Variants in ZFHX3 observed in about 807,000 individuals in gnomAD.
ZFHX3 encodes the protein zinc finger homeobox protein 3.
In ZFHX3, 42 loss-of-function variants were observed where a neutral mutation model predicts 279.1. The observed-to-expected ratio is 0.15, with a 90% CI of 0.12 to 0.19. ZFHX3 has a LOEUF of 0.19. ZFHX3 is among the 10% of genes least tolerant of loss of function. The pLI is 1.00. For missense variants in ZFHX3, 4,981 were observed against 4,754.0 expected (o/e 1.05, Z -1.40); for synonymous variants, 2,293 against 1,957.8 (o/e 1.17, Z -4.52).
At chr16:73,776,427 T>C (rs1193631131) in intron 1 of ZFHX3, among the ~76,000 whole-genome samples, 1 of 152,184 alleles carries the variant, frequency 6.6e-6, no homozygotes, top group Non-Finnish European at 1.5e-5. Context: ...TGCTTTAAGG[T>C]TTCCTCTTTC....
chr16:73,189,456 T>G (rs1377533925), intron 5 of ZFHX3, among the ~76,000 whole-genome samples: 1 of 152,248 alleles, frequency 6.6e-6, no homozygotes, highest in Non-Finnish European at 1.5e-5. Context: ...GAGCCGGCAC[T>G]GGACCCTAGG....
intron 5 of ZFHX3, among the ~76,000 whole-genome samples, chr16:73,241,748 C>T (rs1176491280): frequency 7.2e-6 from 1 of 138,174 alleles, no homozygotes; most frequent in African/African-American, 2.8e-5. Flanking sequence ...CAAGATCGTG[C>T]CATTGCACTC....
intron 2 of ZFHX3, among the ~76,000 whole-genome samples, chr16:73,567,004 T>A (rs146850110): frequency 2.0e-3 from 308 of 152,234 alleles, no homozygotes; most frequent in African/African-American, 7.1e-3. Context: ...CAGCCAACAC[T>A]GAGCTAACTT....
intron 4 of ZFHX3, among the ~76,000 whole-genome samples, chr16:73,286,849 T>C (rs1182313476): frequency 1.9e-5 from 2 of 106,848 alleles, no homozygotes; most frequent in African/African-American, 7.5e-5. Flanking sequence ...TGAGTCGGTG[T>C]GTGGGTGTGT....
chr16:73,816,083 C>T (rs1338745009), intron 1 of ZFHX3: 1 of 152,130 alleles, frequency 6.6e-6, no homozygotes, highest in African/African-American at 2.4e-5. Context: ...GAATATGGAT[C>T]TAAGTAACCA....
At chr16:73,141,807 C>T (rs1047543235) in intron 6 of ZFHX3, among the ~76,000 whole-genome samples, 1 of 152,178 alleles carries the variant, frequency 6.6e-6, no homozygotes, top group African/African-American at 2.4e-5. Flanking sequence ...GTAGTCTGCC[C>T]ATGCAGAGAA....
chr16:73,770,227 G>A (rs2054002505), intron 1 of ZFHX3, among the ~76,000 whole-genome samples: 1 of 152,208 alleles, frequency 6.6e-6, no homozygotes, highest in African/African-American at 2.4e-5. Flanking sequence ...GAGTCAGAGT[G>A]ATGTAATGTT....
intron 5 of ZFHX3, among the ~76,000 whole-genome samples, chr16:73,162,878 G>C (rs1967271284): frequency 6.6e-6 from 1 of 152,184 alleles, no homozygotes; most frequent in East Asian, 1.9e-4. Context: ...TCTAAAGAAT[G>C]GTGGTCATCT....
intron 7 of ZFHX3, chr16:73,093,615 C>T (rs766010729): frequency 3.2e-5 from 16 of 505,554 alleles, no homozygotes; most frequent in East Asian, 2.2e-4. Context: ...ACAGACAGCA[C>T]GGAGAAGGAT....
chr16:72,988,719 A>G (rs530669625), intron 1 of ZFHX3, among the ~76,000 whole-genome samples: 54 of 152,374 alleles, frequency 3.5e-4, no homozygotes, highest in South Asian at 1.2e-3. Context: ...ATGTGTCAAC[A>G]CAATAAATAA....
At chr16:73,751,754 C>T (rs976501143) in intron 1 of ZFHX3, among the ~76,000 whole-genome samples, 1 of 152,122 alleles carries the variant, frequency 6.6e-6, no homozygotes, top group African/African-American at 2.4e-5. Context: ...TTCCTGCTTC[C>T]ACAACCTCAA....
At chr16:72,940,104 G>C (rs969539712) in intron 3 of ZFHX3, among the ~76,000 whole-genome samples, 3 of 151,842 alleles carry the variant, frequency 2.0e-5, no homozygotes, top group Admixed American at 2.0e-4. Context: ...TAGAGACAGG[G>C]TCTGTTTATG....
intron 1 of ZFHX3, among the ~76,000 whole-genome samples, chr16:73,874,475 G>A (rs957406951): frequency 2.6e-5 from 4 of 152,132 alleles, no homozygotes; most frequent in East Asian, 1.9e-4. Flanking sequence ...CCAGCTGCAT[G>A]TATTTACAAG....
At chr16:72,871,530 C>T (rs1014888696) in intron 4 of ZFHX3, among the ~76,000 whole-genome samples, 5 of 151,904 alleles carry the variant, frequency 3.3e-5, no homozygotes, top group African/African-American at 7.2e-5. Flanking sequence ...TTAGTAGAGA[C>T]GGGGTTTCAC....
chr16:73,648,319 A>G (rs1266580163), intron 2 of ZFHX3, among the ~76,000 whole-genome samples: 4 of 152,232 alleles, frequency 2.6e-5, no homozygotes, highest in African/African-American at 4.8e-5. Flanking sequence ...ATTATTATCA[A>G]TTGGGTTTAT....
chr16:73,003,005 C>T (rs1271152144), intron 1 of ZFHX3, among the ~76,000 whole-genome samples: 1 of 152,142 alleles, frequency 6.6e-6, no homozygotes, highest in African/African-American at 2.4e-5. Context: ...AAAAATTAAA[C>T]TGAAGTCCTA....
intron 3 of ZFHX3, among the ~76,000 whole-genome samples, chr16:73,362,273 A>C (rs2016445749): frequency 6.6e-6 from 1 of 152,208 alleles, no homozygotes; most frequent in South Asian, 2.1e-4. Context: ...CAAACGGGAC[A>C]TGGGGGCTTC....
chr16:72,816,778 C>G (rs1474590398), intron 5 of ZFHX3, among the ~76,000 whole-genome samples: 1 of 152,200 alleles, frequency 6.6e-6, no homozygotes, highest in Non-Finnish European at 1.5e-5. Flanking sequence ...TCCTCTTAGG[C>G]TCCTCTGCAT....
At chr16:72,980,075 G>A (rs1414094928) in intron 1 of ZFHX3, among the ~76,000 whole-genome samples, 1 of 152,156 alleles carries the variant, frequency 6.6e-6, no homozygotes, top group Non-Finnish European at 1.5e-5. Flanking sequence ...TGAGTGTGAG[G>A]CCAGCTAGTC....
Sources: gnomAD v4.1 joint callset for allele counts (sites outside exome capture counted in the v4.1 genomes callset) on GRCh38, gnomAD v4.1.1 for gene constraint, MANE v1.5 for transcripts, NCBI Gene and HGNC (gene_info 2026-07-23, HGNC 2026-07-21) for gene names.